HSPBAP1: variants seen among roughly 807,000 people sequenced by gnomAD.
HSPBAP1 encodes the protein HSPB1 associated protein 1, also known as HSPB1-associated protein 1.
In HSPBAP1, 27 loss-of-function variants were observed where a neutral mutation model predicts 45.2. That is an observed-to-expected ratio of 0.60 (90% CI 0.44 to 0.82). The LOEUF (loss-of-function observed/expected upper bound fraction) is 0.82. HSPBAP1 is among the 40% of genes least tolerant of loss of function. HSPBAP1 has a pLI of 0.00. For synonymous variants in HSPBAP1, 204 were observed against 202.7 expected, an observed-to-expected ratio of 1.01 and a Z score of -0.06; for missense variants, 510 against 590.9, an observed-to-expected ratio of 0.86 and a Z score of 1.42.
At chr3:122,762,412 C>T (rs1934625025) in intron 3 of HSPBAP1, among the ~76,000 whole-genome samples, 1 of 152,038 alleles carries the variant, frequency 6.6e-6, no homozygotes, top group African/African-American at 2.4e-5. Flanking sequence ...GAACCTGTAT[C>T]CATGGAATTG....
chr3:122,742,140 T>C (rs1427382673), intron 6 of HSPBAP1, among the ~76,000 whole-genome samples: 1 of 144,690 alleles, frequency 6.9e-6, no homozygotes, highest in East Asian at 2.0e-4. Flanking sequence ...GAATAATATA[T>C]AAATTATTAT....
chr3:122,786,800 T>C (rs953523984), intron 1 of HSPBAP1, among the ~76,000 whole-genome samples: 5 of 152,208 alleles, frequency 3.3e-5, no homozygotes, highest in African/African-American at 1.2e-4. Context: ...TTAGCATATT[T>C]ACAGAATTTC....
chr3:122,781,434 A>C (rs1185369799), intron 1 of HSPBAP1, among the ~76,000 whole-genome samples: 1 of 147,606 alleles, frequency 6.8e-6, no homozygotes, highest in Non-Finnish European at 1.5e-5. Flanking sequence ...GCGTGCCTGC[A>C]ATCGCAGGCA....
rs139844304 is a variant in HSPBAP1, at chr3:122,759,009, C to T, written c.569+215G>A. Among the ~76,000 whole-genome samples, 792 of 151,796 alleles carry T rather than the reference C, an allele frequency of 5.2e-3. 5 individuals carry two copies. The highest frequency in any genetic ancestry group is 6.9e-3 in the Middle Eastern group (2 of 288). On this transcript the variant is annotated intron_variant, in intron 4 of 7. Transcript: ENST00000306103. ...AGACAATCCTGATCATGACAAGGCA[C>T]GCACCTGTAAACCACCATTTTAACT...
intron 1 of HSPBAP1, among the ~76,000 whole-genome samples, chr3:122,785,921 G>A (rs1407881582): frequency 6.6e-6 from 1 of 151,536 alleles, no homozygotes; most frequent in Non-Finnish European, 1.5e-5. Context: ...GTGTGTGCAC[G>A]CGCGCACATA....
intron 1 of HSPBAP1, among the ~76,000 whole-genome samples, chr3:122,788,658 T>C (rs1033940427): frequency 6.6e-5 from 10 of 152,216 alleles, no homozygotes; most frequent in African/African-American, 2.4e-4. Flanking sequence ...TGGATGAACC[T>C]TGAAGACAGT....
rs763515324 is a variant in HSPBAP1 at position 122,741,101 on chromosome 3, G to T, written c.838C>A (p.Leu280Ile). Reference sequence around the variant, plus strand: ...GTGATTGCCTCTTCTACCCGGGCTAGGTGATCCTCTTCCTGAATTAAAAAA... The same window carrying T: ...GTGATTGCCTCTTCTACCCGGGCTATGTGATCCTCTTCCTGAATTAAAAAA... Reference protein sequence around the residue: ...NSWIELEEDHLARVEEAITRM... With the variant: ...NSWIELEEDHIARVEEAITRM... The change falls in exon 7 of 8, where the codon CTA (leucine) becomes ATA (isoleucine). Residue 280 changes from leucine (L) to isoleucine (I), a missense_variant. Coordinates refer to ENST00000306103, the MANE Select transcript of HSPBAP1 (RefSeq NM_024610.6). 1 of 1,613,182 alleles carries T rather than the reference G, an allele frequency of 6.2e-7. No homozygotes were observed. The highest frequency in any genetic ancestry group is 2.2e-5 in the East Asian group (1 of 44,882).
rs1375199873 is a variant in HSPBAP1, at chr3:122,740,383, T to C, written c.1429A>G (p.Ile477Val). The C allele has an allele frequency of 6.2e-7, 1 of 1,613,156 alleles. No homozygotes were observed. The highest frequency in any genetic ancestry group is 2.2e-5 in the East Asian group (1 of 44,890). ...CCTTGTATCAAAAGTTGTGCCACTA[T>C]CCTGGTTACTTGTGGATTCACCAAG... is the stretch of plus-strand genomic sequence containing the variant. ...DCLVNPQVTR[I>V]VAQLLIQGRS... Residue 477 changes from isoleucine to valine, a missense_variant, in exon 8 of 8, where the codon ATA becomes GTA. Physicochemically the swap from Ile to Val is conservative, Grantham distance 29. Coordinates refer to ENST00000306103, the MANE Select transcript of HSPBAP1 (RefSeq NM_024610.6).
chr3:122,775,375 A>C (rs1481685367), intron 2 of HSPBAP1, among the ~76,000 whole-genome samples: 3 of 152,260 alleles, frequency 2.0e-5, no homozygotes, highest in African/African-American at 7.2e-5. Context: ...CAAATGGCCA[A>C]CACACACATA....
At chr3:122,752,850 C>T in intron 5 of HSPBAP1, 176 bp from the exon 6 acceptor site, 1 of 1,371,358 alleles carries the variant, frequency 7.3e-7, no homozygotes, top group Non-Finnish European at 9.4e-7. Context: ...TCCTTTTATT[C>T]CTTTTTTATT....
At chr3:122,787,162 G>GT (rs1476150114) in intron 1 of HSPBAP1, among the ~76,000 whole-genome samples, 2 of 152,188 alleles carry the variant, frequency 1.3e-5, no homozygotes, top group African/African-American at 2.4e-5. Context: ...TTACCCAATA[G>GT]TTTTTTCTCT....
intron 1 of HSPBAP1, among the ~76,000 whole-genome samples, chr3:122,780,535 G>T (rs567546349): frequency 1.4e-5 from 2 of 138,262 alleles, no homozygotes; most frequent in East Asian, 4.2e-4. Context: ...TCCCGGACGG[G>T]GCGGCTGGCC....
chr3:122,765,416 A>G (rs1262638425), intron 3 of HSPBAP1, among the ~76,000 whole-genome samples: 1 of 152,032 alleles, frequency 6.6e-6, no homozygotes, highest in African/African-American at 2.4e-5. Flanking sequence ...CCCCGTTTCT[A>G]CTAAAAATCC....
intron 2 of HSPBAP1, among the ~76,000 whole-genome samples, chr3:122,776,652 G>A (rs755282923): frequency 6.6e-6 from 1 of 152,140 alleles, no homozygotes; most frequent in Non-Finnish European, 1.5e-5. Context: ...CTAAAATCAA[G>A]AAAGAAAAGG....
chr3:122,744,492 TATG>T (rs1281687390), intron 6 of HSPBAP1, among the ~76,000 whole-genome samples: 1 of 152,252 alleles, frequency 6.6e-6, no homozygotes, highest in Non-Finnish European at 1.5e-5. Context: ...CAGAGAAAGA[TATG>T]ATTATTTAAC....
Position 122,741,116 on chromosome 3 carries a change from G to A in HSPBAP1, c.826-3C>T. Reference sequence around the variant, plus strand: ...ACCCGGGCTAGGTGATCCTCTTCCTGAATTAAAAAAACACGCTTTTAACTT... The same window carrying A: ...ACCCGGGCTAGGTGATCCTCTTCCTAAATTAAAAAAACACGCTTTTAACTT... On this transcript the variant is annotated splice_polypyrimidine_tract_variant and splice_region_variant and intron_variant, in intron 6 of 7. Coordinates refer to ENST00000306103, the MANE Select transcript of HSPBAP1 (RefSeq NM_024610.6). 1.2e-6 allele frequency: 2 copies of A among 1,606,858 alleles called. No individual in the cohort carries two copies.
At chr3:122,756,455 G>C (rs1330646858) in intron 4 of HSPBAP1, among the ~76,000 whole-genome samples, 2 of 152,128 alleles carry the variant, frequency 1.3e-5, no homozygotes, top group Non-Finnish European at 2.9e-5. Flanking sequence ...GGGAGGCCGA[G>C]GCAGAAGGAA....
At chr3:122,773,482 AT>A (rs1276583102) in intron 2 of HSPBAP1, among the ~76,000 whole-genome samples, 1 of 151,668 alleles carries the variant, frequency 6.6e-6, no homozygotes, top group Admixed American at 6.6e-5. Context: ...TAATTGGCTA[AT>A]TTTTTGTATT....
chr3:122,742,889 A>C (rs1267687624), intron 6 of HSPBAP1, among the ~76,000 whole-genome samples: 1 of 152,196 alleles, frequency 6.6e-6, no homozygotes, highest in Non-Finnish European at 1.5e-5. Flanking sequence ...TCTCTATATA[A>C]ATACAGACAT....
Sources: allele counts gnomAD v4.1 joint callset (sites outside exome capture counted in the v4.1 genomes callset), GRCh38; gene constraint gnomAD v4.1.1; transcripts MANE v1.5; gene names NCBI Gene and HGNC (gene_info 2026-07-23, HGNC 2026-07-21).